HS6ST2: variants seen among roughly 807,000 people sequenced by gnomAD.
HS6ST2 encodes the protein heparan sulfate 6-O-sulfotransferase 2.
HS6ST2 carries 17 observed loss-of-function variants against 33.0 expected under a neutral mutation model. The ratio of observed to expected loss-of-function variants is 0.52; its 90% CI spans 0.35 to 0.77. The LOEUF is 0.77. Among genes scored for constraint, HS6ST2 ranks in the 30% least tolerant of loss-of-function variants. The pLI, the probability that HS6ST2 is intolerant of heterozygous loss-of-function variation, is 0.01. For synonymous variants in HS6ST2, 248 were observed against 237.1 expected, an observed-to-expected ratio of 1.05 and a Z score of -0.42; for missense variants, 519 against 551.7, an observed-to-expected ratio of 0.94 and a Z score of 0.59.
chrX:132,692,365 TATTTATCC>T (rs1569481426), intron 3 of HS6ST2, among the ~76,000 whole-genome samples: 1 of 111,125 alleles, frequency 9.0e-6, no homozygotes, highest in East Asian at 2.8e-4. Flanking sequence ...GAGAGTATGG[TATTTATCC>T]ATCACAGCGC....
At chrX:132,740,406 C>G (rs1265345672) in intron 2 of HS6ST2, among the ~76,000 whole-genome samples, 2 of 111,485 alleles carry the variant, frequency 1.8e-5, no homozygotes, top group Non-Finnish European at 3.8e-5. Flanking sequence ...ACAGGATTTT[C>G]TGAATGAGCT....
chrX:132,875,116 A>G (rs1405867204), intron 2 of HS6ST2, among the ~76,000 whole-genome samples: 2 of 112,006 alleles, frequency 1.8e-5, no homozygotes, highest in African/African-American at 6.5e-5. Flanking sequence ...ATGAAGCTAC[A>G]GGGAATGCCA....
chrX:132,951,797 T>C (rs1295719314), intron 2 of HS6ST2, among the ~76,000 whole-genome samples: 1 of 112,354 alleles, frequency 8.9e-6, no homozygotes, highest in African/African-American at 3.2e-5. Flanking sequence ...AACTACAACA[T>C]AACAGATGGA....
intron 2 of HS6ST2, among the ~76,000 whole-genome samples, chrX:132,838,088 A>G (rs1186206762): frequency 3.1e-5 from 3 of 98,112 alleles, no homozygotes; most frequent in Non-Finnish European, 6.3e-5. Flanking sequence ...TAGAAACGTC[A>G]TTTTAATTAT....
chrX:132,661,483 CA>C (rs200329771), intron 4 of HS6ST2, among the ~76,000 whole-genome samples: 2 of 110,352 alleles, frequency 1.8e-5, no homozygotes, highest in East Asian at 2.8e-4. Flanking sequence ...ATATATCTGA[CA>C]AAAAAAATAG....
intron 3 of HS6ST2, among the ~76,000 whole-genome samples, chrX:132,706,430 C>A (rs1471738162): frequency 1.8e-5 from 2 of 111,967 alleles, no homozygotes; most frequent in African/African-American, 6.5e-5. Flanking sequence ...GAAAATCCAA[C>A]AAAATAATTT....
intron 2 of HS6ST2, among the ~76,000 whole-genome samples, chrX:132,792,849 C>T (rs749767261): frequency 6.5e-5 from 7 of 107,327 alleles, no homozygotes; most frequent in South Asian, 4.0e-4. Context: ...GAATAAATAG[C>T]GTGCCATTAT....
intron 2 of HS6ST2, among the ~76,000 whole-genome samples, chrX:132,895,803 C>T (rs2066368932): frequency 9.1e-6 from 1 of 110,113 alleles, no homozygotes; most frequent in Non-Finnish European, 1.9e-5. Flanking sequence ...TAATCTGTTG[C>T]CTTACATCTT....
chrX:132,696,896 C>T (rs1370010959), intron 3 of HS6ST2, among the ~76,000 whole-genome samples: 2 of 111,738 alleles, frequency 1.8e-5, no homozygotes, highest in African/African-American at 6.5e-5. Flanking sequence ...CAAGTTGACC[C>T]TTACCTTAGA....
At chrX:132,693,691 C>A (rs1256100439) in intron 3 of HS6ST2, among the ~76,000 whole-genome samples, 2 of 111,420 alleles carry the variant, frequency 1.8e-5, no homozygotes, top group African/African-American at 6.5e-5. Flanking sequence ...AATATCTGTC[C>A]CTAAAGTCAT....
intron 3 of HS6ST2, among the ~76,000 whole-genome samples, chrX:132,691,722 G>A (rs1043781813): frequency 1.7e-4 from 19 of 111,932 alleles, no homozygotes; most frequent in African/African-American, 6.2e-4. Context: ...AACCGCTGAG[G>A]GCTTTCTCTA....
intron 2 of HS6ST2, among the ~76,000 whole-genome samples, chrX:132,871,507 A>G (rs1457677033): frequency 8.9e-6 from 1 of 111,890 alleles, no homozygotes; most frequent in Non-Finnish European, 1.9e-5. Flanking sequence ...ACTGTTCACA[A>G]TAGCAAAGTT....
chrX:132,654,251 A>C (rs1386092627), intron 4 of HS6ST2, among the ~76,000 whole-genome samples: 1 of 111,186 alleles, frequency 9.0e-6, no homozygotes, highest in Non-Finnish European at 1.9e-5. Flanking sequence ...TACCTCCAAA[A>C]CTCAATGAGA....
At chrX:132,744,240 T>C (rs1220440284) in intron 2 of HS6ST2, among the ~76,000 whole-genome samples, 2 of 112,047 alleles carry the variant, frequency 1.8e-5, no homozygotes, top group African/African-American at 6.5e-5. Flanking sequence ...TTTACTCCTA[T>C]GGCTGGAGGA....
At chrX:132,958,648 T>C (rs1181924523), upstream of HS6ST2, 3 of 1,056,091 alleles carry the variant, frequency 2.8e-6, no homozygotes, top group African/African-American at 1.9e-5. Context: ...CGAGCGAGCT[T>C]GAATTTATAT....
At chrX:132,931,135 C>A (rs1044708597) in intron 2 of HS6ST2, among the ~76,000 whole-genome samples, 2 of 111,656 alleles carry the variant, frequency 1.8e-5, no homozygotes, top group Non-Finnish European at 3.8e-5. Flanking sequence ...AGTCTACTAA[C>A]CTTTGGTAGA....
intron 2 of HS6ST2, among the ~76,000 whole-genome samples, chrX:132,822,845 C>A (rs1051274063): frequency 2.7e-5 from 3 of 112,080 alleles, no homozygotes; most frequent in African/African-American, 9.7e-5. Flanking sequence ...GGGCTAGTTT[C>A]TCTTTCTTAC....
intron 2 of HS6ST2, among the ~76,000 whole-genome samples, chrX:132,763,741 A>G (rs2064822421): frequency 8.9e-6 from 1 of 112,069 alleles, no homozygotes; most frequent in African/African-American, 3.2e-5. Context: ...CCCACACAAG[A>G]CTTAGAGGCT....
At chrX:132,843,107 A>T (rs897464802) in intron 2 of HS6ST2, among the ~76,000 whole-genome samples, 2 of 111,706 alleles carry the variant, frequency 1.8e-5, no homozygotes, top group African/African-American at 6.5e-5. Context: ...CTCATCTTAT[A>T]AATAGCAAGT....
Sources: allele counts gnomAD v4.1 joint callset (sites outside exome capture counted in the v4.1 genomes callset), GRCh38; gene constraint gnomAD v4.1.1; transcripts MANE v1.5; gene names NCBI Gene and HGNC (gene_info 2026-07-23, HGNC 2026-07-21).